The following TAFA5 variants were observed in gnomAD, a reference collection of about 807,000 sequenced individuals.
The protein encoded by TAFA5 is chemokine-like protein TAFA-5.
In TAFA5, 6 loss-of-function variants were observed where a neutral mutation model predicts 15.3. The observed-to-expected ratio is 0.39, with a 90% CI of 0.21 to 0.77. The LOEUF (loss-of-function observed/expected upper bound fraction) is 0.77. Ranked by LOEUF, TAFA5 falls within the 30% of genes least tolerant of loss-of-function variation. The pLI is 0.41. For synonymous variants in TAFA5, 103 were observed against 80.7 expected (o/e 1.28, Z -1.48); for missense variants, 161 against 193.1 (o/e 0.83, Z 0.98).
In TAFA5 at chr22:48,742,879, C is replaced by T. The variant is rs1488880142; in HGVS notation, c.391-6960C>T. Among the ~76,000 whole-genome samples, 3 of 152,172 alleles carry T rather than the reference C, an allele frequency of 2.0e-5. No homozygotes were observed. Among genetic ancestry groups the T allele is most frequent in the African/African-American group, 4.8e-5 (2 of 41,444 alleles). The stretch of plus-strand genomic sequence containing the variant: ...GGACTGACGGTGTGAGGAGGGCCCT[C>T]TGCTGCCTCCATGCAGCCCACACGC... On this transcript the variant is annotated intron_variant, in intron 3 of 3. Transcript: ENST00000402357. The surrounding 1 kb of genome is among the most constrained non-coding windows in gnomAD (Gnocchi z 6.2).
At chr22:48,576,035 C>A (rs1923771115) in intron 1 of TAFA5, among the ~76,000 whole-genome samples, 1 of 110,234 alleles carries the variant, frequency 9.1e-6, no homozygotes, top group Admixed American at 9.5e-5. Context: ...CGGGGCCGCG[C>A]CGGACCCCCC....
At chr22:48,730,392 AAAAG>A (rs1057045068) in intron 3 of TAFA5, among the ~76,000 whole-genome samples, 9 of 152,176 alleles carry the variant, frequency 5.9e-5, no homozygotes, top group South Asian at 2.1e-4. Context: ...TCTCAAAAAA[AAAAG>A]AAAGAAAGAA....
intron 3 of TAFA5, among the ~76,000 whole-genome samples, chr22:48,729,074 C>T (rs913266753): frequency 6.6e-6 from 1 of 151,840 alleles, no homozygotes; most frequent in African/African-American, 2.4e-5. Flanking sequence ...AACTACCATA[C>T]ATAACTGAAG....
chr22:48,615,357 G>C (rs1031060981), intron 1 of TAFA5, among the ~76,000 whole-genome samples: 4 of 152,334 alleles, frequency 2.6e-5, no homozygotes, highest in Middle Eastern at 3.4e-3. Context: ...GGAAGCGGAT[G>C]GCTTGAGGCT....
At chr22:48,746,660 C>G (rs6010470) in intron 3 of TAFA5, among the ~76,000 whole-genome samples, 5,869 of 152,296 alleles carry the variant, frequency 0.039, 264 homozygotes, top group African/African-American at 0.11. Context: ...GCTGCTGCAG[C>G]ATTCGGACCC....
intron 2 of TAFA5, among the ~76,000 whole-genome samples, chr22:48,662,137 G>A (rs1326500207): frequency 2.0e-5 from 3 of 152,188 alleles, no homozygotes; most frequent in East Asian, 1.9e-4. Flanking sequence ...CCAGGTGGAC[G>A]TGGGGCTGGG....
At chr22:48,510,315 A>G (rs919934394) in intron 1 of TAFA5, among the ~76,000 whole-genome samples, 15 of 152,224 alleles carry the variant, frequency 9.9e-5, no homozygotes, top group Admixed American at 6.5e-5. Flanking sequence ...AATATCCAGA[A>G]TATATTCATA....
intron 3 of TAFA5, among the ~76,000 whole-genome samples, chr22:48,713,908 C>A (rs567694672): frequency 1.3e-5 from 2 of 152,358 alleles, no homozygotes; most frequent in South Asian, 2.1e-4. Flanking sequence ...CGTGGCCCCA[C>A]TAACAGATCC....
chr22:48,685,413 G>A (rs561772055), intron 2 of TAFA5, among the ~76,000 whole-genome samples: 1 of 152,222 alleles, frequency 6.6e-6, no homozygotes, highest in South Asian at 2.1e-4. Flanking sequence ...CGGCTTTGCA[G>A]AGCCATTTCA....
At chr22:48,690,453 GGCCTCTCCA>G (rs1928503932) in intron 2 of TAFA5, among the ~76,000 whole-genome samples, 1 of 152,078 alleles carries the variant, frequency 6.6e-6, no homozygotes, top group Non-Finnish European at 1.5e-5. Flanking sequence ...CCACCCTACT[GGCCTCTCCA>G]GCCCCTCCAT....
chr22:48,518,875 T>C (rs778937090), intron 1 of TAFA5, among the ~76,000 whole-genome samples: 1 of 152,220 alleles, frequency 6.6e-6, no homozygotes, highest in Non-Finnish European at 1.5e-5. Context: ...TTCACTCACC[T>C]GGAGGAGGGA....
At chr22:48,522,716 G>GT (rs1470653559) in intron 1 of TAFA5, among the ~76,000 whole-genome samples, 13 of 152,182 alleles carry the variant, frequency 8.5e-5, no homozygotes, top group African/African-American at 2.9e-4. Flanking sequence ...CCTGCCTGGG[G>GT]TTTTGTGGCC....
intron 3 of TAFA5, among the ~76,000 whole-genome samples, chr22:48,709,148 TCCC>T: frequency 6.6e-6 from 1 of 152,038 alleles, no homozygotes; most frequent in East Asian, 1.9e-4. Flanking sequence ...GCCCAGGGCC[TCCC>T]CAGGTGTGGG....
At position 48,601,894 on chromosome 22, in the gene TAFA5, A is replaced by G. The variant is rs539776090; in HGVS notation, c.113-44703A>G. Among the ~76,000 whole-genome samples the G allele has an allele frequency of 3.3e-5, 5 of 152,266 alleles. No individual in the cohort carries two copies. The South Asian group carries it at 8.3e-4, about 25-fold the overall frequency. On this transcript the variant is annotated intron_variant, in intron 1 of 3. Transcript: ENST00000402357. The stretch of plus-strand genomic sequence containing the variant: ...GCGGCGAGTGGCCTCGTTCCTCCAC[A>G]CAGTCGCACACCATTCTGTCCAGTG...
intron 2 of TAFA5, among the ~76,000 whole-genome samples, chr22:48,652,603 AATC>A (rs1450642840): frequency 6.6e-6 from 1 of 152,112 alleles, no homozygotes; most frequent in Non-Finnish European, 1.5e-5. Context: ...GCCCTCACCA[AATC>A]ATCGAGGCCC....
At chr22:48,564,260 G>A (rs910210249) in intron 1 of TAFA5, among the ~76,000 whole-genome samples, 2 of 152,242 alleles carry the variant, frequency 1.3e-5, no homozygotes, top group African/African-American at 2.4e-5. Flanking sequence ...GAACAGGGAC[G>A]CTCCAGGTTG....
At chr22:48,562,594 A>C (rs73425908) in intron 1 of TAFA5, among the ~76,000 whole-genome samples, 16,138 of 152,074 alleles carry the variant, frequency 0.11, 1,416 homozygotes, top group East Asian at 0.25. Context: ...GAGGGGGGGA[A>C]TTTAGCTCCT....
chr22:48,747,230 T>C (rs778616309), intron 3 of TAFA5, among the ~76,000 whole-genome samples: 3 of 152,170 alleles, frequency 2.0e-5, no homozygotes, highest in Non-Finnish European at 4.4e-5. Flanking sequence ...CCTGCTGGGA[T>C]TGCTAGAATG....
chr22:48,602,630 C>T (rs1176043532), intron 1 of TAFA5, among the ~76,000 whole-genome samples: 7 of 152,192 alleles, frequency 4.6e-5, no homozygotes, highest in Non-Finnish European at 1.0e-4. Flanking sequence ...TAACATATAT[C>T]GTATCCTGGA....
Sources: allele counts gnomAD v4.1 joint callset (sites outside exome capture counted in the v4.1 genomes callset), GRCh38; gene constraint gnomAD v4.1.1; non-coding constraint Gnocchi (gnomAD v3.1); transcripts MANE v1.5; gene names NCBI Gene and HGNC (gene_info 2026-07-23, HGNC 2026-07-21).